The following MARCHF1 variants were observed in gnomAD, a reference collection of about 807,000 sequenced individuals.
MARCHF1 encodes the protein membrane associated ring-CH-type finger 1, also known as E3 ubiquitin-protein ligase MARCHF1.
In MARCHF1, 40 loss-of-function variants were observed where a neutral mutation model predicts 54.2. The ratio of observed to expected loss-of-function variants is 0.74; its 90% CI spans 0.57 to 0.96. The LOEUF (loss-of-function observed/expected upper bound fraction) is 0.96. Ranked by LOEUF, MARCHF1 falls within the 40% of genes least tolerant of loss-of-function variation. The pLI is 0.00. For synonymous variants in MARCHF1, 236 were observed against 236.3 expected, an observed-to-expected ratio of 1.00 and a Z score of 0.01; for missense variants, 586 against 656.5, an observed-to-expected ratio of 0.89 and a Z score of 1.17.
chr4:164,279,500 G>A (rs1383841449), intron 1 of MARCHF1, among the ~76,000 whole-genome samples: 1 of 151,358 alleles, frequency 6.6e-6, no homozygotes, highest in East Asian at 1.9e-4. Flanking sequence ...AAATTTAAAT[G>A]TTTATAAATC....
Position 164,188,495 on chromosome 4 carries a change from T to C in MARCHF1, c.-322-76833A>G. On this transcript the variant is annotated intron_variant, in intron 1 of 9. Transcript: ENST00000514618. ...CTGCGTCGACCTGGGGACCACCTAC[T>C]GCTGCGTCTGTGTGTTCAAGACCGG... is the stretch of plus-strand genomic sequence containing the variant. The C allele has an allele frequency of 7.4e-6, 5 of 679,622 alleles. No individual in the cohort carries two copies. In the South Asian group the frequency reaches 8.1e-5, roughly 11 times the overall value. 42.1% of individuals were successfully genotyped at this position (679,622 alleles called of 1,614,324 possible). A position where few individuals can be genotyped will look rare whatever the true frequency, so the allele number is the denominator to read the frequency against.
chr4:163,561,300 G>T (rs1274522979), intron 8 of MARCHF1, among the ~76,000 whole-genome samples: 2 of 151,938 alleles, frequency 1.3e-5, no homozygotes, highest in Non-Finnish European at 2.9e-5. Flanking sequence ...TTTTTTCTAT[G>T]CCTTCTTCTA....
intron 1 of MARCHF1, among the ~76,000 whole-genome samples, chr4:164,142,003 A>C (rs1756551686): frequency 6.6e-6 from 1 of 152,310 alleles, no homozygotes; most frequent in Admixed American, 6.5e-5. Flanking sequence ...GCATTGCCTC[A>C]CTCAGGAAGC....
intron 1 of MARCHF1, among the ~76,000 whole-genome samples, chr4:164,373,322 C>T (rs1175199563): frequency 6.9e-6 from 1 of 144,626 alleles, no homozygotes; most frequent in African/African-American, 2.6e-5. Context: ...GAAACTGAAT[C>T]TTCCCATTAA....
intron 5 of MARCHF1, among the ~76,000 whole-genome samples, chr4:163,690,845 G>T (rs950495828): frequency 6.6e-6 from 1 of 152,098 alleles, no homozygotes; most frequent in African/African-American, 2.4e-5. Context: ...ATCAATCAAA[G>T]CTTTAGGCTT....
intron 2 of MARCHF1, among the ~76,000 whole-genome samples, chr4:164,100,813 C>T (rs1027314146): frequency 3.7e-4 from 56 of 152,318 alleles, no homozygotes; most frequent in African/African-American, 1.2e-3. Flanking sequence ...TTGAGCTACG[C>T]AGAAGACAGG....
chr4:163,749,216 A>G (rs949432313), intron 4 of MARCHF1, among the ~76,000 whole-genome samples: 6 of 132,244 alleles, frequency 4.5e-5, no homozygotes, highest in Admixed American at 7.4e-5. Context: ...TTTTCTGAGT[A>G]TATAAACATA....
intron 3 of MARCHF1, among the ~76,000 whole-genome samples, chr4:163,892,956 G>A (rs940390323): frequency 8.5e-5 from 13 of 152,062 alleles, no homozygotes; most frequent in African/African-American, 3.1e-4. Context: ...AGGACAAAGT[G>A]ATGCCTGTCT....
chr4:163,627,844 T>TC (rs1309144782), intron 5 of MARCHF1, among the ~76,000 whole-genome samples: 2 of 151,998 alleles, frequency 1.3e-5, no homozygotes, highest in Admixed American at 1.3e-4. Context: ...GAATATGTTT[T>TC]TTTTTTAAGA....
intron 2 of MARCHF1, among the ~76,000 whole-genome samples, chr4:164,080,480 T>G (rs184079383): frequency 6.6e-6 from 1 of 152,214 alleles, no homozygotes; most frequent in East Asian, 1.9e-4. Flanking sequence ...ATGGGCAGGT[T>G]AGAGGAAAAA....
chr4:164,230,395 CA>C (rs59980603), intron 1 of MARCHF1, among the ~76,000 whole-genome samples: 2,274 of 99,356 alleles, frequency 0.023, 47 homozygotes, highest in African/African-American at 0.07. Flanking sequence ...AACTCCATCT[CA>C]AAAAAAAAAA....
chr4:164,223,251 T>G (rs113782521), intron 1 of MARCHF1, among the ~76,000 whole-genome samples: 3 of 152,130 alleles, frequency 2.0e-5, no homozygotes, highest in African/African-American at 7.2e-5. Context: ...GTTGAACCAA[T>G]AATGAAGTTT....
intron 4 of MARCHF1, among the ~76,000 whole-genome samples, chr4:163,827,476 A>C (rs1342587353): frequency 6.6e-6 from 1 of 152,176 alleles, no homozygotes; most frequent in African/African-American, 2.4e-5. Context: ...ATAAGATATA[A>C]ATTTTCTGAA....
chr4:163,788,346 G>C (rs1221219469), intron 4 of MARCHF1, among the ~76,000 whole-genome samples: 2 of 151,828 alleles, frequency 1.3e-5, no homozygotes, highest in East Asian at 3.8e-4. Context: ...AATAATTTAA[G>C]TGAATAAATT....
intron 1 of MARCHF1, among the ~76,000 whole-genome samples, chr4:164,176,972 C>A (rs2321371): frequency 0.18 from 9,587 of 54,504 alleles, 1,560 homozygotes; most frequent in South Asian, 0.24. Flanking sequence ...CTCTCTCTCT[C>A]TCTCTCTCTA....
intron 7 of MARCHF1, among the ~76,000 whole-genome samples, chr4:163,599,939 T>G (rs995871914): frequency 6.6e-6 from 1 of 152,218 alleles, no homozygotes; most frequent in East Asian, 1.9e-4. Flanking sequence ...TGTTGAAAGC[T>G]ACTGTATTTT....
intron 4 of MARCHF1, among the ~76,000 whole-genome samples, chr4:163,764,690 C>G (rs1236717813): frequency 2.6e-5 from 4 of 151,860 alleles, no homozygotes; most frequent in Admixed American, 6.6e-5. Context: ...AATAGAAAAC[C>G]CAAGAGGGAT....
At chr4:163,564,551 TA>T (rs1448014420) in intron 8 of MARCHF1, among the ~76,000 whole-genome samples, 2 of 152,186 alleles carry the variant, frequency 1.3e-5, no homozygotes, top group African/African-American at 4.8e-5. Context: ...ACCTTTTATG[TA>T]ATCAGTTTCT....
At chr4:164,286,483 C>A (rs538646944) in intron 1 of MARCHF1, among the ~76,000 whole-genome samples, 44 of 151,840 alleles carry the variant, frequency 2.9e-4, no homozygotes, top group African/African-American at 9.9e-4. Context: ...ATTATTTTCA[C>A]AAAATAATAT....
Sources: gnomAD v4.1 joint callset for allele counts (sites outside exome capture counted in the v4.1 genomes callset) on GRCh38, gnomAD v4.1.1 for gene constraint, MANE v1.5 for transcripts, NCBI Gene and HGNC (gene_info 2026-07-23, HGNC 2026-07-21) for gene names.